Variants in EML6 observed in about 807,000 individuals in gnomAD.
EML6 encodes echinoderm microtubule-associated protein-like 6.
EML6 carries 154 observed loss-of-function variants against 240.1 expected under a neutral mutation model. That is an observed-to-expected ratio of 0.64 (90% confidence interval 0.56 to 0.73). The LOEUF is 0.73. EML6 is among the 30% of genes least tolerant of loss of function. EML6 has a pLI of 0.00. For missense variants in EML6, 2,964 were observed against 2,474.6 expected (o/e 1.20, Z -4.20); for synonymous variants, 1,148 against 899.0 (o/e 1.28, Z -4.95).
intron 21 of EML6, 115 bp from the exon 22 acceptor site, chr2:54,899,526 T>C: frequency 9.6e-7 from 1 of 1,043,168 alleles, no homozygotes; most frequent in Non-Finnish European, 1.3e-6. Context: ...AGTGTGTTTA[T>C]TCCTATTTGT....
intron 5 of EML6, among the ~76,000 whole-genome samples, chr2:54,826,342 C>G (rs565206550): frequency 7.9e-5 from 12 of 152,298 alleles, no homozygotes; most frequent in African/African-American, 2.9e-4. Context: ...TACATGAAAA[C>G]TATGTTAAGG....
At chr2:54,944,474 A>C (rs1267480318) in intron 28 of EML6, among the ~76,000 whole-genome samples, 3 of 152,130 alleles carry the variant, frequency 2.0e-5, no homozygotes, top group Admixed American at 2.0e-4. Flanking sequence ...GCTCCAGTCA[A>C]GTGCTTCATC....
At chr2:54,968,849 C>G in intron 41 of EML6, 81 bp downstream of exon 41, 1 of 755,996 alleles carries the variant, frequency 1.3e-6, no homozygotes, top group Non-Finnish European at 2.3e-6. Context: ...CGTGGGTCAG[C>G]CTCTCCCAGG....
chr2:54,883,588 A>T (rs1283396239), intron 17 of EML6, among the ~76,000 whole-genome samples: 5 of 152,212 alleles, frequency 3.3e-5, no homozygotes, highest in African/African-American at 7.2e-5. Context: ...ATATGGCCCT[A>T]TGCGGTGAAT....
At chr2:54,818,549 T>C (rs149698642) in intron 4 of EML6, among the ~76,000 whole-genome samples, 2 of 152,336 alleles carry the variant, frequency 1.3e-5, no homozygotes, top group Non-Finnish European at 2.9e-5. Context: ...AGAGCAGAGC[T>C]CTCTGAACCT....
chr2:54,971,756 A>G lies in EML6; in HGVS notation c.*1661A>G, dbSNP rs931140260. ...GTACTAGACTCTTCATGCTGATCGG[A>G]TCTTGCATTGAAATAACCATGTGGA... On this transcript the variant is annotated 3_prime_UTR_variant, in exon 42 of 42. Transcript: ENST00000356458. 6.6e-6 allele frequency: 1 copy of G among 152,176 alleles called. No homozygotes were observed. Among genetic ancestry groups the G allele is most frequent in the Non-Finnish European group, 1.5e-5 (1 of 68,040 alleles). The allele number at this position is 152,176 out of a possible 1,614,324, so 9.4% of individuals were successfully genotyped here. A position where few individuals can be genotyped will look rare whatever the true frequency, so the allele number is the denominator to read the frequency against.
At chr2:54,887,949 C>T (rs550153834) in intron 17 of EML6, among the ~76,000 whole-genome samples, 6 of 152,334 alleles carry the variant, frequency 3.9e-5, no homozygotes, top group African/African-American at 1.4e-4. Flanking sequence ...TTTATATTAG[C>T]ATTCACTTGT....
At chr2:54,955,331 G>A (rs140167190) in intron 32 of EML6, among the ~76,000 whole-genome samples, 8 of 152,250 alleles carry the variant, frequency 5.3e-5, no homozygotes, top group African/African-American at 1.9e-4. Flanking sequence ...AAGACTTCCT[G>A]CAGTTAGGAC....
chr2:54,788,547 G>T (rs1055262343), intron 2 of EML6, among the ~76,000 whole-genome samples: 6 of 152,170 alleles, frequency 3.9e-5, no homozygotes, highest in African/African-American at 1.4e-4. Flanking sequence ...GTCTAGAATC[G>T]ATAGCTACTC....
chr2:54,877,597 A>C (rs1304084543), intron 16 of EML6, among the ~76,000 whole-genome samples: 1 of 152,254 alleles, frequency 6.6e-6, no homozygotes, highest in East Asian at 1.9e-4. Context: ...ATGAATAGGA[A>C]GTCATTACCA....
At position 54,744,945 on chromosome 2, in the gene EML6, CACACACACACACACACA is replaced by C. The variant is rs1302894775; in HGVS notation, c.197+19688_197+19704del. Among the ~76,000 whole-genome samples the C allele has an allele frequency of 1.3e-3, 196 of 149,030 alleles. 1 individual carries two copies. Among genetic ancestry groups the C allele is most frequent in the Middle Eastern group, 0.01 (3 of 290 alleles). ...ACACACACACACACACACACACACA[CACACACACACACACACA>C]CCCTGCCATGCAGGCCTTCCCAGTG... is the stretch of plus-strand genomic sequence containing the variant. On this transcript the variant is annotated intron_variant, in intron 2 of 41. Transcript: ENST00000356458.
intron 2 of EML6, among the ~76,000 whole-genome samples, chr2:54,776,927 A>G (rs983204498): frequency 2.0e-5 from 3 of 152,168 alleles, no homozygotes; most frequent in African/African-American, 7.2e-5. Context: ...CTAAGTATTT[A>G]TCCTAATAAA....
chr2:54,819,517 C>A (rs1668229017), intron 4 of EML6, among the ~76,000 whole-genome samples: 2 of 152,134 alleles, frequency 1.3e-5, no homozygotes, highest in Non-Finnish European at 2.9e-5. Context: ...GTGGCTCATG[C>A]CTGTAATCCC....
chr2:54,799,849 A>G (rs1670024354), intron 2 of EML6, among the ~76,000 whole-genome samples: 1 of 152,248 alleles, frequency 6.6e-6, no homozygotes, highest in Non-Finnish European at 1.5e-5. Context: ...GTCTTTGCTC[A>G]GTTTGTTACT....
chr2:54,726,899 T>C (rs1682931399), intron 2 of EML6, among the ~76,000 whole-genome samples: 1 of 152,208 alleles, frequency 6.6e-6, no homozygotes, highest in Admixed American at 6.5e-5. Flanking sequence ...GAAAATTCTC[T>C]GTGGTTAAAT....
chr2:54,880,132 T>C (rs1276531533), intron 17 of EML6: 5 of 153,886 alleles, frequency 3.2e-5, no homozygotes, highest in African/African-American at 7.2e-5. Context: ...GTCTTATAAA[T>C]AGATTTTTTG....
rs72808617 is a variant in EML6 at position 54,825,124 on chromosome 2, G to C, written c.526-2442G>C. Among the ~76,000 whole-genome samples the C allele has an allele frequency of 8.1e-3, 1,228 of 152,274 alleles. 7 individuals carry two copies. The highest frequency in any genetic ancestry group is 0.014 in the Non-Finnish European group (955 of 68,016). ...TGGGTTCTATTTTTTGTGACTGTCT[G>C]TCTGGAAATATTCAGATAACTCAGA... On this transcript the variant is annotated intron_variant, in intron 5 of 41. Coordinates refer to ENST00000356458, the MANE Select transcript of EML6 (RefSeq NM_001039753.4).
At chr2:54,910,752 A>G (rs987436664) in intron 24 of EML6, among the ~76,000 whole-genome samples, 1 of 152,224 alleles carries the variant, frequency 6.6e-6, no homozygotes, top group African/African-American at 2.4e-5. Flanking sequence ...TATGAAGTCC[A>G]TATTCTAAAA....
At position 54,959,196 on chromosome 2, in the gene EML6, C is replaced by A; in HGVS notation, c.4788C>A (p.Gly1596=). The A allele has an allele frequency of 6.4e-7, 1 of 1,551,594 alleles. No homozygotes were observed. The highest frequency in any genetic ancestry group is 8.7e-7 in the Non-Finnish European group (1 of 1,146,954). ...GGCTGGTGGCCAAGGCTCACACAGG[C>A]CCCGTGTTCACAATGTACACAACCC... is the stretch of plus-strand genomic sequence containing the variant. The part of the protein sequence containing the change: ...LIRLVAKAHT[G]PVFTMYTTLR... Residue 1596 remains glycine (G), a synonymous_variant, in exon 34 of 42, where the codon GGC becomes GGA. Transcript: ENST00000356458.
Sources: allele counts gnomAD v4.1 joint callset (sites outside exome capture counted in the v4.1 genomes callset), GRCh38; gene constraint gnomAD v4.1.1; transcripts MANE v1.5; gene names NCBI Gene and HGNC (gene_info 2026-07-23, HGNC 2026-07-21).